QTMAN: variants seen among roughly 807,000 people sequenced by gnomAD.
QTMAN encodes tRNA-queuosine alpha-mannosyltransferase.
the QTMAN span, among the ~76,000 whole-genome samples, chr2:144,044,320 T>C: frequency 6.6e-6 from 1 of 152,222 alleles, no homozygotes; most frequent in Non-Finnish European, 1.5e-5. Context: ...TAGGACAATC[T>C]AATATTATTA....
the QTMAN span, among the ~76,000 whole-genome samples, chr2:144,231,893 T>TG: frequency 2.1e-5 from 3 of 144,192 alleles, no homozygotes; most frequent in African/African-American, 2.6e-5. Flanking sequence ...TGTGTGTGTG[T>TG]TATCTTTACT....
chr2:144,196,484 T>C, the QTMAN span, among the ~76,000 whole-genome samples: 25 of 152,258 alleles, frequency 1.6e-4, no homozygotes, highest in African/African-American at 5.8e-4. Context: ...CCCTACATTT[T>C]AGATCCCTAC....
chr2:144,133,156 A>ATATAT, the QTMAN span, among the ~76,000 whole-genome samples: 2 of 49,138 alleles, frequency 4.1e-5, no homozygotes, highest in African/African-American at 1.7e-4. Flanking sequence ...TATATAATAT[A>ATATAT]ATATAATATA....
chr2:144,007,362 C>T, the QTMAN span: 54 of 1,613,008 alleles, frequency 3.3e-5, no homozygotes, highest in Admixed American at 1.2e-4. Context: ...ATATTCTTGT[C>T]GTGCAGTATC....
chr2:143,977,671 G>A, the QTMAN span, among the ~76,000 whole-genome samples: 2 of 152,264 alleles, frequency 1.3e-5, no homozygotes, highest in East Asian at 3.9e-4. Context: ...CATGAGGAAT[G>A]GGGACCAGGA....
chr2:144,154,689 A>C, the QTMAN span, among the ~76,000 whole-genome samples: 1 of 152,210 alleles, frequency 6.6e-6, no homozygotes, highest in African/African-American at 2.4e-5. Flanking sequence ...TTACATAACT[A>C]TTCTATGTGG....
the QTMAN span, among the ~76,000 whole-genome samples, chr2:144,214,728 G>A: frequency 1.3e-5 from 2 of 152,168 alleles, no homozygotes; most frequent in Admixed American, 6.6e-5. Context: ...GAGAATTCAT[G>A]CATCGAAACC....
chr2:144,130,460 A>G, the QTMAN span, among the ~76,000 whole-genome samples: 1 of 151,962 alleles, frequency 6.6e-6, no homozygotes, highest in African/African-American at 2.4e-5. Flanking sequence ...TAAACATCAT[A>G]TGATACTCCT....
At chr2:144,199,924 G>A in the QTMAN span, among the ~76,000 whole-genome samples, 1 of 152,166 alleles carries the variant, frequency 6.6e-6, no homozygotes. Flanking sequence ...ATTAATGGCA[G>A]AGCTGAGATT....
the QTMAN span, among the ~76,000 whole-genome samples, chr2:143,999,628 T>C: frequency 5.3e-5 from 8 of 152,012 alleles, no homozygotes; most frequent in Non-Finnish European, 8.8e-5. Context: ...CATCCCTCCA[T>C]CCATATCACC....
At chr2:144,243,064 A>G in the QTMAN span, among the ~76,000 whole-genome samples, 1 of 151,750 alleles carries the variant, frequency 6.6e-6, no homozygotes, top group Non-Finnish European at 1.5e-5. Context: ...ATCCACATTT[A>G]GGCTTACATA....
At chr2:144,039,140 AT>A in the QTMAN span, among the ~76,000 whole-genome samples, 7 of 152,314 alleles carry the variant, frequency 4.6e-5, no homozygotes, top group Admixed American at 4.6e-4. Flanking sequence ...ATTAAAAAAA[AT>A]TCTTCCCTTA....
At chr2:144,219,751 G>A in the QTMAN span, among the ~76,000 whole-genome samples, 1 of 152,118 alleles carries the variant, frequency 6.6e-6, no homozygotes, top group Non-Finnish European at 1.5e-5. Flanking sequence ...GAGCCTGGGA[G>A]GTGGAGGTTG....
At chr2:144,230,852 A>AC in the QTMAN span, among the ~76,000 whole-genome samples, 1 of 152,154 alleles carries the variant, frequency 6.6e-6, no homozygotes, top group Non-Finnish European at 1.5e-5. Context: ...GGGAAAAAAA[A>AC]CCTGTTCTCA....
At chr2:144,181,348 C>G in the QTMAN span, among the ~76,000 whole-genome samples, 1 of 152,078 alleles carries the variant, frequency 6.6e-6, no homozygotes, top group Admixed American at 6.6e-5. Flanking sequence ...TCTAAAAATA[C>G]AATTTAGTTT....
the QTMAN span, among the ~76,000 whole-genome samples, chr2:144,227,335 C>T: frequency 2.0e-5 from 3 of 152,112 alleles, no homozygotes; most frequent in African/African-American, 7.2e-5. Flanking sequence ...AATACCCAGC[C>T]CCCAACAAAC....
the QTMAN span, among the ~76,000 whole-genome samples, chr2:143,993,494 C>T: frequency 6.6e-6 from 1 of 151,870 alleles, no homozygotes; most frequent in Non-Finnish European, 1.5e-5. Context: ...GGCCCTCAAT[C>T]CAATTGCATG....
At chr2:144,125,242 TTTTTTC>T in the QTMAN span, among the ~76,000 whole-genome samples, 1 of 152,032 alleles carries the variant, frequency 6.6e-6, no homozygotes, top group Non-Finnish European at 1.5e-5. Context: ...GAAGGCTTTT[TTTTTTC>T]TTTTTAAGTC....
chr2:144,080,581 A>C, the QTMAN span, among the ~76,000 whole-genome samples: 1 of 152,206 alleles, frequency 6.6e-6, no homozygotes. Context: ...AAATAGAACA[A>C]TCAAAGCCTC....
Sources: gnomAD v4.1 joint callset for allele counts (sites outside exome capture counted in the v4.1 genomes callset) on GRCh38, gnomAD v4.1.1 for gene constraint, MANE v1.5 for transcripts, NCBI Gene and HGNC (gene_info 2026-07-23, HGNC 2026-07-21) for gene names.